Variants in TSPAN16 observed in about 807,000 individuals in gnomAD.
TSPAN16 encodes the protein tetraspanin-16.
TSPAN16 carries 23 observed loss-of-function variants against 25.2 expected under a neutral mutation model. The ratio of observed to expected loss-of-function variants is 0.91; its 90% CI spans 0.66 to 1.29. The LOEUF is 1.29. Among genes scored for constraint, TSPAN16 ranks in the 50% most tolerant of loss-of-function variants. The pLI, the probability that TSPAN16 is intolerant of heterozygous loss-of-function variation, is 0.00. For missense variants in TSPAN16, 272 were observed against 299.9 expected, an observed-to-expected ratio of 0.91 and a Z score of 0.69; for synonymous variants, 123 against 124.4, an observed-to-expected ratio of 0.99 and a Z score of 0.08.
At chr19:11,298,991 GA>G in intron 3 of TSPAN16, 45 bp downstream of exon 3, 2 of 1,598,930 alleles carry the variant, frequency 1.3e-6, no homozygotes, top group Non-Finnish European at 1.7e-6. Context: ...GAAAGATAAA[GA>G]ACCAAGGACG....
At position 11,301,335 on chromosome 19, in the gene TSPAN16, T is replaced by G. The variant is rs780266415; in HGVS notation, c.450+27T>G. Reference sequence around the variant, plus strand: ...TGAGGCTTACTTAAAAAAAAAAAATTGTGGTGTAAAGGTACACAACATGGG... The same window carrying G: ...TGAGGCTTACTTAAAAAAAAAAAATGGTGGTGTAAAGGTACACAACATGGG... On this transcript the variant is annotated intron_variant, in intron 4 of 6. Coordinates refer to ENST00000590327, the MANE Select transcript of TSPAN16 (RefSeq NM_001282509.2). The G allele has an allele frequency of 5.6e-5, 87 of 1,557,460 alleles. 1 individual carries two copies. The highest frequency in any genetic ancestry group is 1.7e-4 in the Middle Eastern group (1 of 5,966).
Position 11,301,210 on chromosome 19 carries a change from G to T in TSPAN16, c.352G>T (p.Val118Leu), listed in dbSNP as rs753077455. The change falls in exon 4 of 7, where the codon GTG becomes TTG. Residue 118 changes from valine (V) to leucine (L), a missense_variant. Physicochemically the swap from Val to Leu is conservative, Grantham distance 32. Transcript: ENST00000590327. ...CTGTCCTCTCTGTGAGGTTGGAGAT[G>T]TGGCCTTGGAACACACCTTCGTGAC... ...VLLFFPIVGD[V>L]ALEHTFVTLR... The T allele has an allele frequency of 6.2e-7, 1 of 1,613,964 alleles. No individual in the cohort carries two copies. Among genetic ancestry groups the T allele is most frequent in the Non-Finnish European group, 8.5e-7 (1 of 1,179,890 alleles).
At chr19:11,321,761 T>C (rs1019883669) in intron 6 of TSPAN16, among the ~76,000 whole-genome samples, 1 of 152,260 alleles carries the variant, frequency 6.6e-6, no homozygotes, top group South Asian at 2.1e-4. Flanking sequence ...GTGGGAGCCA[T>C]CGAATGTTCT....
At chr19:11,309,766 T>C (rs2080670469) in intron 5 of TSPAN16, among the ~76,000 whole-genome samples, 1 of 152,226 alleles carries the variant, frequency 6.6e-6, no homozygotes, top group East Asian at 1.9e-4. Context: ...TTTTATACAT[T>C]GCTGGGTTGC....
At chr19:11,319,888 C>T (rs1599351359), downstream of TSPAN16, among the ~76,000 whole-genome samples, 1 of 152,184 alleles carries the variant, frequency 6.6e-6, no homozygotes, top group East Asian at 2.0e-4. Flanking sequence ...GATCTTGGCT[C>T]ACTGCAAGCT....
At chr19:11,315,991 T>C, downstream of TSPAN16, 1 of 1,222,388 alleles carries the variant, frequency 8.2e-7, no homozygotes, top group East Asian at 3.2e-5. Flanking sequence ...TTCTTTCTCC[T>C]TACTTTCATT....
chr19:11,316,117 G>GTGTGTGTGTGTGT (rs375902342), downstream of TSPAN16: 31 of 228,876 alleles, frequency 1.4e-4, no homozygotes, highest in African/African-American at 6.6e-4. Context: ...GTGTGTGTGT[G>GTGTGTGTGTGTGT]GTTTTTTTTT....
intron 5 of TSPAN16, among the ~76,000 whole-genome samples, chr19:11,308,544 T>C (rs1312672367): frequency 2.6e-5 from 4 of 151,266 alleles, no homozygotes; most frequent in East Asian, 1.9e-4. Flanking sequence ...AATCTTGGCT[T>C]ACTGCAAGCT....
chr19:11,320,606 G>A (rs566802685), downstream of TSPAN16, among the ~76,000 whole-genome samples: 158 of 151,698 alleles, frequency 1.0e-3, no homozygotes, highest in African/African-American at 3.7e-3. Context: ...CCAGGAGTTC[G>A]AGGCTGCAGT....
intron 4 of TSPAN16, among the ~76,000 whole-genome samples, chr19:11,302,679 A>ATATT (rs2080574435): frequency 8.9e-6 from 1 of 112,330 alleles, no homozygotes; most frequent in Non-Finnish European, 1.8e-5. Context: ...ATATATATAT[A>ATATT]CACACACACA....
At chr19:11,316,827 T>A (rs1568296058), downstream of TSPAN16, among the ~76,000 whole-genome samples, 1 of 150,492 alleles carries the variant, frequency 6.6e-6, no homozygotes, top group East Asian at 1.9e-4. Flanking sequence ...TTTTTTTTTT[T>A]AAGATGGAGT....
At chr19:11,310,077 C>G (rs1177659969) in intron 5 of TSPAN16, among the ~76,000 whole-genome samples, 1 of 151,414 alleles carries the variant, frequency 6.6e-6, no homozygotes, top group Non-Finnish European at 1.5e-5. Flanking sequence ...TGCATCCAGT[C>G]TGAGTGACAG....
chr19:11,306,982 A>G (rs1271858055), intron 5 of TSPAN16, among the ~76,000 whole-genome samples: 3 of 150,674 alleles, frequency 2.0e-5, no homozygotes, highest in African/African-American at 7.3e-5. Flanking sequence ...CACCCGGCTA[A>G]TTTTGTATTT....
intron 4 of TSPAN16, among the ~76,000 whole-genome samples, 162 bp downstream of exon 4, chr19:11,301,470 T>C (rs931111608): frequency 6.6e-6 from 1 of 150,680 alleles, no homozygotes; most frequent in African/African-American, 2.4e-5. Flanking sequence ...TGAAACCCCG[T>C]CTCTACTAAA....
intron 4 of TSPAN16, among the ~76,000 whole-genome samples, chr19:11,302,097 T>C (rs322159): frequency 0.41 from 62,212 of 151,728 alleles, 14,568 homozygotes; most frequent in African/African-American, 0.66. Context: ...GTTCTGGGAT[T>C]ATAGGCGTGA....
At chr19:11,296,591 G>A (rs1298064028) in intron 1 of TSPAN16, among the ~76,000 whole-genome samples, 1 of 152,236 alleles carries the variant, frequency 6.6e-6, no homozygotes, top group African/African-American at 2.4e-5. Flanking sequence ...ATCTGGGGGA[G>A]CCCAGGTGGG....
intron 2 of TSPAN16, 51 bp from the exon 3 acceptor site, chr19:11,298,821 G>A (rs536851135): frequency 7.7e-6 from 12 of 1,561,986 alleles, no homozygotes; most frequent in Non-Finnish European, 7.9e-6. Context: ...GTATAAGGTC[G>A]GGAGGAGGCT....
At chr19:11,319,325 C>T (rs929647908), downstream of TSPAN16, among the ~76,000 whole-genome samples, 2 of 152,182 alleles carry the variant, frequency 1.3e-5, no homozygotes, top group Non-Finnish European at 2.9e-5. Context: ...TCAGGCCAGG[C>T]GCAGTGGCTT....
In TSPAN16 at chr19:11,298,926, G is replaced by C. The variant is rs372945492; in HGVS notation, c.322G>C (p.Val108Leu). The change falls in exon 3 of 7, where the codon GTC becomes CTC. Residue 108 changes from valine (V) to leucine (L), a missense_variant. Val to Leu is a conservative substitution (Grantham distance 32, BLOSUM62 1). Transcript: ENST00000590327. The stretch of plus-strand genomic sequence containing the variant: ...CATGGAAGTTACAGCTGCCACAGTG[G>C]TCCTTCTTTTCTTTCCAATTGTAAG... ...LIMEVTAATVVLLFFPIVGDV... is the reference protein window; with the variant it reads ...LIMEVTAATVLLLFFPIVGDV... 3.1e-6 allele frequency: 5 copies of C among 1,613,896 alleles called. No homozygotes were observed. In the Admixed American group the frequency reaches 5.0e-5, roughly 16 times the overall value.
Sources: gnomAD v4.1 joint callset for allele counts (sites outside exome capture counted in the v4.1 genomes callset) on GRCh38, gnomAD v4.1.1 for gene constraint, MANE v1.5 for transcripts, NCBI Gene and HGNC (gene_info 2026-07-23, HGNC 2026-07-21) for gene names.